IGSF10: variants seen among roughly 807,000 people sequenced by gnomAD.
IGSF10 encodes the protein calvaria mechanical force protein 608.
IGSF10 carries 126 observed loss-of-function variants against 128.2 expected under a neutral mutation model. That is an observed-to-expected ratio of 0.98 (90% CI 0.85 to 1.14). The LOEUF is 1.14. Among genes scored for constraint, IGSF10 ranks in the 50% most tolerant of loss-of-function variants. The probability of loss-of-function intolerance (pLI) is 0.00; values close to 1 mark genes in which losing one functional copy is unlikely to be tolerated. For synonymous variants in IGSF10, 1,185 were observed against 1,146.2 expected (o/e 1.03, Z -0.68); for missense variants, 3,295 against 3,149.8 (o/e 1.05, Z -1.10).
At position 151,448,785 on chromosome 3, in the gene IGSF10, T is replaced by C. The variant is rs535377667; in HGVS notation, c.1196A>G (p.Gln399Arg). 11 of 1,613,714 alleles carry C rather than the reference T, an allele frequency of 6.8e-6. No homozygotes were observed. The highest frequency in any genetic ancestry group is 9.3e-6 in the Non-Finnish European group (11 of 1,179,618). The change falls in exon 6 of 8, where the codon CAG (glutamine) becomes CGG (arginine). Residue 399 changes from glutamine to arginine, a missense_variant. Gln to Arg is a conservative substitution (Grantham distance 43). Coordinates refer to ENST00000282466, the MANE Select transcript of IGSF10 (RefSeq NM_178822.5). ...CACCTGTTTATATTTGTAATAGAGC[T>C]GCGGTGTTTCACTAAGCAAGTGGCT... Reference protein sequence around the residue: ...ERSHLLSETPQLYYKYKQVAP... With the variant: ...ERSHLLSETPRLYYKYKQVAP...
chr3:151,494,735 C>T, the IGSF10 span, among the ~76,000 whole-genome samples: 1 of 152,062 alleles, frequency 6.6e-6, no homozygotes, highest in Non-Finnish European at 1.5e-5. Context: ...TTACTTTTAA[C>T]TGTAATTCTC....
downstream of IGSF10, chr3:151,435,062 C>CTTTTTTT (rs66791814): frequency 2.5e-3 from 297 of 118,882 alleles, 1 homozygote; most frequent in Non-Finnish European, 3.9e-3. Context: ...TGAGAGGTTT[C>CTTTTTTT]TTTTTTTTTT....
At chr3:151,616,954 A>G in the IGSF10 span, among the ~76,000 whole-genome samples, 1 of 152,198 alleles carries the variant, frequency 6.6e-6, no homozygotes, top group East Asian at 1.9e-4. Flanking sequence ...AGGGTGGCAC[A>G]GGACATCACA....
the IGSF10 span, among the ~76,000 whole-genome samples, chr3:151,524,286 C>A: frequency 6.6e-6 from 1 of 151,930 alleles, no homozygotes; most frequent in East Asian, 1.9e-4. Flanking sequence ...GGGCATATAC[C>A]CAGAGGGATA....
the IGSF10 span, among the ~76,000 whole-genome samples, chr3:151,590,460 T>C: frequency 1.7e-3 from 259 of 152,312 alleles, 2 homozygotes; most frequent in African/African-American, 6.0e-3. Flanking sequence ...TTTCAAACAA[T>C]GCAAGCATTA....
At chr3:151,432,798 C>G (rs1436818421), downstream of IGSF10, 2 of 1,612,702 alleles carry the variant, frequency 1.2e-6, no homozygotes, top group Admixed American at 3.3e-5. Flanking sequence ...ATCCTTCACA[C>G]TTCTGAATCT....
the IGSF10 span, among the ~76,000 whole-genome samples, chr3:151,600,234 T>G: frequency 6.6e-6 from 1 of 152,142 alleles, no homozygotes; most frequent in Non-Finnish European, 1.5e-5. Flanking sequence ...AATGTTATTT[T>G]TAAGAAGATA....
chr3:151,552,507 AG>A, the IGSF10 span, among the ~76,000 whole-genome samples: 1 of 152,116 alleles, frequency 6.6e-6, no homozygotes, highest in Non-Finnish European at 1.5e-5. Flanking sequence ...TTAGGGGAAG[AG>A]GGAGGGCATT....
At chr3:151,487,599 C>T in the IGSF10 span, among the ~76,000 whole-genome samples, 6 of 152,096 alleles carry the variant, frequency 3.9e-5, no homozygotes, top group Admixed American at 3.3e-4. Flanking sequence ...ACTGGCAAAC[C>T]AAATCCAGCA....
chr3:151,463,854 C>A (rs930292479), upstream of IGSF10, among the ~76,000 whole-genome samples: 1 of 152,130 alleles, frequency 6.6e-6, no homozygotes, highest in Non-Finnish European at 1.5e-5. Context: ...TATTTTCTAT[C>A]TTCTTCCTGC....
the IGSF10 span, among the ~76,000 whole-genome samples, chr3:151,574,471 C>A: frequency 1.3e-5 from 2 of 152,164 alleles, no homozygotes; most frequent in African/African-American, 4.8e-5. Flanking sequence ...TTCATTTGAT[C>A]TTCAATCACT....
chr3:151,518,545 A>G, the IGSF10 span, among the ~76,000 whole-genome samples: 2 of 152,046 alleles, frequency 1.3e-5, no homozygotes. Flanking sequence ...CACCAGAACA[A>G]TTGCTTTAAT....
the IGSF10 span, among the ~76,000 whole-genome samples, chr3:151,543,650 C>CTG: frequency 1.3e-5 from 2 of 152,128 alleles, no homozygotes; most frequent in African/African-American, 4.8e-5. Context: ...TGCACAGTGT[C>CTG]AGCAGGGCAA....
chr3:151,617,298 CT>C, the IGSF10 span, among the ~76,000 whole-genome samples: 3 of 130,550 alleles, frequency 2.3e-5, no homozygotes, highest in Admixed American at 1.6e-4. Flanking sequence ...TCTTCTTCTT[CT>C]TCTTCTTCTT....
the IGSF10 span, among the ~76,000 whole-genome samples, chr3:151,467,173 C>T: frequency 1.3e-5 from 2 of 152,158 alleles, no homozygotes; most frequent in Admixed American, 6.5e-5. Context: ...GAACTAACTT[C>T]GACTGTTTCT....
chr3:151,605,690 C>A, the IGSF10 span, among the ~76,000 whole-genome samples: 3 of 152,166 alleles, frequency 2.0e-5, no homozygotes, highest in Non-Finnish European at 4.4e-5. Context: ...GTGACTTGAT[C>A]AAGGCCATTC....
chr3:151,437,568 C>T lies in IGSF10; in HGVS notation c.6993G>A (p.Leu2331=), dbSNP rs1720456187. 4 of 1,614,000 alleles carry T rather than the reference C, an allele frequency of 2.5e-6. No individual in the cohort carries two copies. Among genetic ancestry groups the T allele is most frequent in the African/African-American group, 1.3e-5 (1 of 74,908 alleles). The change falls in exon 8 of 8, where the codon CTG becomes CTA. Residue 2331 remains leucine (L), a synonymous_variant. Transcript: ENST00000282466. Reference sequence around the variant, plus strand: ...TAAATGTCGGTCTTCTCAGCATTTCCAGTACTTCTAACTGTACTACCAACA... The same window carrying T: ...TAAATGTCGGTCTTCTCAGCATTTCTAGTACTTCTAACTGTACTACCAACA... ...ESVLVVQLEV[L]EMLRRPTFRN... is the part of the protein sequence containing the mutation.
rs1720214900 is a variant in IGSF10, at chr3:151,436,389, A to G, written c.*300T>C. 4.3e-6 allele frequency: 1 copy of G among 234,914 alleles called. No individual in the cohort carries two copies. Among genetic ancestry groups the G allele is most frequent in the African/African-American group, 2.3e-5 (1 of 43,212 alleles). The allele number at this position is 234,914 out of a possible 1,614,324, so 14.6% of individuals were successfully genotyped here. ...TATTAGAAGTTCATTTTTTTACTGA[A>G]AAATTCAGGTACATTAGCCATTTGT... is the stretch of plus-strand genomic sequence containing the variant. On this transcript the variant is annotated 3_prime_UTR_variant, in exon 8 of 8. Coordinates refer to ENST00000282466, the MANE Select transcript of IGSF10 (RefSeq NM_178822.5).
chr3:151,443,189 T>C lies in IGSF10; in HGVS notation c.5758A>G (p.Thr1920Ala), dbSNP rs200442319. 3.9e-5 allele frequency: 63 copies of C among 1,614,242 alleles called. No homozygotes were observed. The Admixed American group carries it at 7.0e-4, about 18-fold the overall frequency. The change falls in exon 7 of 8, where the codon ACC (threonine) becomes GCC (alanine). Residue 1920 changes from threonine to alanine, a missense_variant. By Grantham distance (58) the Thr-to-Ala change is moderately conservative. Coordinates refer to ENST00000282466, the MANE Select transcript of IGSF10 (RefSeq NM_178822.5). ...SDRGTYECIA[T>A]SSTGSERRVV... ...CTTCGCTCCGAACCAGTGGAACTGG[T>C]AGCAATGCATTCATAAGTGCCCCTG...
Sources: allele counts gnomAD v4.1 joint callset (sites outside exome capture counted in the v4.1 genomes callset), GRCh38; gene constraint gnomAD v4.1.1; transcripts MANE v1.5; gene names NCBI Gene and HGNC (gene_info 2026-07-23, HGNC 2026-07-21).